The following CD109 variants were observed in gnomAD, a reference collection of about 807,000 sequenced individuals.
CD109 encodes the protein CD109 antigen.
A neutral mutation model predicts 165.8 loss-of-function variants in CD109; 149 were observed. The ratio of observed to expected loss-of-function variants is 0.90; its 90% confidence interval spans 0.79 to 1.03. The LOEUF is 1.03. Among genes scored for constraint, CD109 ranks in the 50% least tolerant of loss-of-function variants. The pLI, the probability that CD109 is intolerant of heterozygous loss-of-function variation, is 0.00. For synonymous variants in CD109, 585 were observed against 592.1 expected (o/e 0.99, Z 0.18); for missense variants, 1,712 against 1,677.8 (o/e 1.02, Z -0.36).
At chr6:73,710,440 G>A (rs1056413842) in intron 2 of CD109, among the ~76,000 whole-genome samples, 2 of 152,094 alleles carry the variant, frequency 1.3e-5, no homozygotes, top group African/African-American at 2.4e-5. Context: ...ACGAAATAAA[G>A]GAGGACACAA....
At position 73,789,528 on chromosome 6, in the gene CD109, A is replaced by G. The variant is rs1056737134; in HGVS notation, c.2701+916A>G. On this transcript the variant is annotated intron_variant, in intron 22 of 32. Transcript: ENST00000287097. ...GAGTGCAGTGGCGCGAACTTGGCTC[A>G]CTGCAAGCTCTGCTTCCCAGGTTCA... 3.3e-5 allele frequency among the ~76,000 whole-genome samples: 5 copies of G among 151,506 alleles called. No individual in the cohort carries two copies. In the South Asian group the frequency reaches 1.0e-3, roughly 32 times the overall value.
At chr6:73,707,847 A>G (rs907219334) in intron 2 of CD109, among the ~76,000 whole-genome samples, 1 of 151,206 alleles carries the variant, frequency 6.6e-6, no homozygotes, top group African/African-American at 2.4e-5. Flanking sequence ...ATTAAAAGTA[A>G]TGTCACCCAA....
At chr6:73,729,980 T>C (rs1245861948) in intron 3 of CD109, among the ~76,000 whole-genome samples, 2 of 152,202 alleles carry the variant, frequency 1.3e-5, no homozygotes, top group African/African-American at 4.8e-5. Flanking sequence ...ATCAGCTGAC[T>C]GCCTCAAATA....
intron 17 of CD109, among the ~76,000 whole-genome samples, chr6:73,781,835 A>ACACACACACACACACACAC (rs150665697): frequency 0.036 from 5,156 of 144,336 alleles, 271 homozygotes; most frequent in African/African-American, 0.11. Context: ...ACACACACAC[A>ACACACACACACACACACAC]CCCCTCATCA....
intron 4 of CD109, among the ~76,000 whole-genome samples, chr6:73,735,825 A>C (rs1435390146): frequency 6.6e-6 from 1 of 152,194 alleles, no homozygotes; most frequent in Non-Finnish European, 1.5e-5. Flanking sequence ...CATGTCCTAA[A>C]GGAGAATTGT....
chr6:73,738,587 T>C (rs1427537121), intron 5 of CD109, among the ~76,000 whole-genome samples: 4 of 152,236 alleles, frequency 2.6e-5, no homozygotes, highest in African/African-American at 7.2e-5. Context: ...GAAAGATTTA[T>C]AGGATTTATC....
chr6:73,810,250 A>G, intron 27 of CD109, 76 bp downstream of exon 27: 1 of 344,958 alleles, frequency 2.9e-6, no homozygotes, highest in Non-Finnish European at 4.6e-6. Context: ...TTTTATATAT[A>G]ATATATAGTA....
intron 2 of CD109, among the ~76,000 whole-genome samples, chr6:73,714,514 C>T (rs542499159): frequency 1.3e-5 from 2 of 152,312 alleles, no homozygotes; most frequent in East Asian, 3.9e-4. Context: ...GCTGATCCAC[C>T]GAATACTCCT....
At chr6:73,690,250 T>C in the CD109 span, among the ~76,000 whole-genome samples, 1 of 152,214 alleles carries the variant, frequency 6.6e-6, no homozygotes, top group Non-Finnish European at 1.5e-5. Context: ...ACATTTCCCT[T>C]TTTCTTGGCT....
chr6:73,781,017 G>A (rs1240084962), intron 16 of CD109, among the ~76,000 whole-genome samples: 1 of 150,654 alleles, frequency 6.6e-6, no homozygotes, highest in East Asian at 1.9e-4. Flanking sequence ...GTGTGTGTGT[G>A]TGTTTGAGTG....
At position 73,814,898 on chromosome 6, in the gene CD109, T is replaced by A. The variant is rs539759123; in HGVS notation, c.3769-83T>A. ...TCTTACTGGGTCCATCCAAAGAGAA[T>A]CATTACCTAATACAGTATTTAGAAG... On this transcript the variant is annotated intron_variant, in intron 29 of 32. Transcript: ENST00000287097. 7 of 934,038 alleles carry A rather than the reference T, an allele frequency of 7.5e-6. No homozygotes were observed. The East Asian group carries it at 2.1e-4, about 28-fold the overall frequency. The allele number at this position is 934,038 out of a possible 1,614,324, so 57.9% of individuals were successfully genotyped here.
At chr6:73,791,162 T>TAC (rs1774931410) in intron 22 of CD109, among the ~76,000 whole-genome samples, 1 of 36,330 alleles carries the variant, frequency 2.8e-5, no homozygotes, top group African/African-American at 1.0e-4. Flanking sequence ...TATATATATA[T>TAC]ATATATATAT....
the CD109 span, among the ~76,000 whole-genome samples, chr6:73,690,568 A>G: frequency 1.3e-5 from 2 of 152,010 alleles, no homozygotes; most frequent in South Asian, 2.1e-4. Context: ...CGCCTTGCTA[A>G]TTTTGTATTT....
At chr6:73,741,116 A>C (rs1364068495) in intron 5 of CD109, among the ~76,000 whole-genome samples, 1 of 150,184 alleles carries the variant, frequency 6.7e-6, no homozygotes, top group East Asian at 1.9e-4. Context: ...TTTTTTTTAC[A>C]ATGCTAGTTT....
rs939568718 is a variant in CD109, at chr6:73,763,908, AT to A, written c.1107+232del. On this transcript the variant is annotated intron_variant, in intron 10 of 32. Coordinates refer to ENST00000287097, the MANE Select transcript of CD109 (RefSeq NM_133493.5). ...CAGTAAAAATATTTTTTGAAAATGT[AT>A]TTTTTTTTACAAGCAATTTAAGTTA... Among the ~76,000 whole-genome samples the A allele has an allele frequency of 4.3e-3, 655 of 151,630 alleles. 4 individuals are homozygous for A. Among genetic ancestry groups the A allele is most frequent in the African/African-American group, 0.014 (599 of 41,394 alleles).
In CD109 at chr6:73,736,517, A is replaced by C; in HGVS notation, c.633+9A>C. 6.2e-7 allele frequency: 1 copy of C among 1,604,450 alleles called. No homozygotes were observed. On this transcript the variant is annotated intron_variant, in intron 5 of 32. Coordinates refer to ENST00000287097, the MANE Select transcript of CD109 (RefSeq NM_133493.5). ...TTCAAGTTCAAGTGAATGTGAGTATAAATATATTTTTTGGGGGGAATGTTA... is the reference window on the plus strand; with the variant it reads ...TTCAAGTTCAAGTGAATGTGAGTATCAATATATTTTTTGGGGGGAATGTTA...
intron 5 of CD109, among the ~76,000 whole-genome samples, chr6:73,754,318 C>A (rs1195776524): frequency 6.6e-6 from 1 of 152,032 alleles, no homozygotes; most frequent in Non-Finnish European, 1.5e-5. Context: ...GAAAGGCCAA[C>A]ATTTAAGGAT....
chr6:73,684,027 T>C, the CD109 span, among the ~76,000 whole-genome samples: 5 of 152,158 alleles, frequency 3.3e-5, no homozygotes, highest in African/African-American at 1.2e-4. Context: ...TTGATGGGCA[T>C]TTAGATTGAT....
chr6:73,800,733 T>C (rs1277556143), intron 23 of CD109, among the ~76,000 whole-genome samples: 2 of 152,216 alleles, frequency 1.3e-5, no homozygotes, highest in Admixed American at 6.5e-5. Flanking sequence ...TTGTGACTTA[T>C]CTGTTTTGCC....
Sources: gnomAD v4.1 joint callset for allele counts (sites outside exome capture counted in the v4.1 genomes callset) on GRCh38, gnomAD v4.1.1 for gene constraint, MANE v1.5 for transcripts, NCBI Gene and HGNC (gene_info 2026-07-23, HGNC 2026-07-21) for gene names.